The following AFG3L2 variants were observed in gnomAD, a reference collection of about 807,000 sequenced individuals.
The protein encoded by AFG3L2 is mitochondrial inner membrane m-AAA protease component AFG3L2.
A neutral mutation model predicts 94.5 loss-of-function variants in AFG3L2; 54 were observed. The ratio of observed to expected loss-of-function variants is 0.57; its 90% CI spans 0.46 to 0.72. AFG3L2 has a LOEUF of 0.72. AFG3L2 is among the 30% of genes least tolerant of loss of function. The pLI is 0.00. For missense variants in AFG3L2, 754 were observed against 994.9 expected, an observed-to-expected ratio of 0.76 and a Z score of 3.26; for synonymous variants, 377 against 365.5, an observed-to-expected ratio of 1.03 and a Z score of -0.36.
intron 16 of AFG3L2, among the ~76,000 whole-genome samples, chr18:12,332,691 G>A (rs1415329432): frequency 6.8e-6 from 1 of 146,940 alleles, no homozygotes; most frequent in Non-Finnish European, 1.5e-5. Context: ...TATATTTTTT[G>A]TCTATATCTC....
At chr18:12,364,762 G>T (rs1908758055) in intron 5 of AFG3L2, among the ~76,000 whole-genome samples, 1 of 152,034 alleles carries the variant, frequency 6.6e-6, no homozygotes. Flanking sequence ...ACTTCTCTGG[G>T]CACAAGAGAT....
chr18:12,363,884 T>G, intron 5 of AFG3L2, 28 bp from the exon 6 acceptor site: 1 of 1,516,836 alleles, frequency 6.6e-7, no homozygotes, highest in Non-Finnish European at 9.2e-7. Context: ...AATTCACACA[T>G]AAATTCACAG....
At chr18:12,364,253 C>T (rs899829763) in intron 5 of AFG3L2, among the ~76,000 whole-genome samples, 2 of 152,228 alleles carry the variant, frequency 1.3e-5, no homozygotes, top group Non-Finnish European at 2.9e-5. Flanking sequence ...CACTTCCGTG[C>T]TGCAGGGTAC....
chr18:12,364,390 A>C (rs1170844042), intron 5 of AFG3L2, among the ~76,000 whole-genome samples: 2 of 152,154 alleles, frequency 1.3e-5, no homozygotes, highest in Admixed American at 6.6e-5. Flanking sequence ...GGCACATCTT[A>C]AAAAACTTCT....
chr18:12,376,911 G>A, intron 1 of AFG3L2, 58 bp downstream of exon 1: 4 of 1,291,220 alleles, frequency 3.1e-6, no homozygotes, highest in Non-Finnish European at 3.0e-6. Context: ...CCGCTCTCCC[G>A]AGCCGGAAGT....
intron 7 of AFG3L2, among the ~76,000 whole-genome samples, chr18:12,359,655 C>T (rs1216759903): frequency 2.0e-5 from 3 of 151,842 alleles, no homozygotes; most frequent in African/African-American, 4.8e-5. Context: ...AGGAGAATCG[C>T]GTGAACTGGG....
At position 12,358,998 on chromosome 18, in the gene AFG3L2, A is replaced by G. The variant is rs7407640; in HGVS notation, c.753-55T>C. ...GACTGGCTGCTCACCTCCAGCTTTC[A>G]CATGTGGTGCAAGATATCAATATAA... On this transcript the variant is annotated intron_variant, in intron 7 of 16. Coordinates refer to ENST00000269143, the MANE Select transcript of AFG3L2 (RefSeq NM_006796.3). 1,196,004 of 1,567,656 alleles carry G rather than the reference A, an allele frequency of 0.76. 461,172 individuals are homozygous for G. Among genetic ancestry groups the G allele is most frequent in the Non-Finnish European group, 0.79 (910,565 of 1,155,564 alleles).
rs746562101 is a variant in AFG3L2, at chr18:12,340,317, A to T, written c.1864T>A (p.Leu622Met). ...EQYLYTKEQL[L>M]DRMCMTLGGR... Reference sequence around the variant, plus strand: ...CCTAAAGTCATACACATCCTATCCAAGAGCTGCTCTTTGGTATAGAGGTAT... The same window carrying T: ...CCTAAAGTCATACACATCCTATCCATGAGCTGCTCTTTGGTATAGAGGTAT... The change falls in exon 15 of 17, where the codon TTG becomes ATG. Residue 622 changes from leucine (L) to methionine (M), a missense_variant. Physicochemically the swap from Leu to Met is conservative, Grantham distance 15. Around this residue, in one of 4 missense-constraint regions of AFG3L2, gnomAD observed 279 missense variants for 378.6 expected, o/e 0.74. Coordinates refer to ENST00000269143, the MANE Select transcript of AFG3L2 (RefSeq NM_006796.3). 6.2e-7 allele frequency: 1 copy of T among 1,614,104 alleles called. No individual in the cohort carries two copies. Among genetic ancestry groups the T allele is most frequent in the South Asian group, 1.1e-5 (1 of 91,080 alleles).
At position 12,329,122 on chromosome 18, in the gene AFG3L2, C is replaced by G; in HGVS notation, c.*443G>C. On this transcript the variant is annotated 3_prime_UTR_variant, in exon 17 of 17. Coordinates refer to ENST00000269143, the MANE Select transcript of AFG3L2 (RefSeq NM_006796.3). The stretch of plus-strand genomic sequence containing the variant: ...TTAAGTCAAATTAAAATGTTCTTAT[C>G]AAGACTCCAATTTAATTTCACAGCC... The G allele has an allele frequency of 1.4e-6, 1 of 702,880 alleles. No homozygotes were observed. The highest frequency in any genetic ancestry group is 2.6e-6 in the Non-Finnish European group (1 of 384,960). 43.5% of individuals were successfully genotyped at this position (702,880 alleles called of 1,614,324 possible).
chr18:12,337,049 C>T, intron 16 of AFG3L2: 1 of 590,558 alleles, frequency 1.7e-6, no homozygotes, highest in Non-Finnish European at 3.0e-6. Flanking sequence ...TGTGAACTAT[C>T]TGGTGAGGGA....
At chr18:12,372,479 C>T (rs1366711644) in intron 1 of AFG3L2, among the ~76,000 whole-genome samples, 3 of 152,152 alleles carry the variant, frequency 2.0e-5, no homozygotes, top group Non-Finnish European at 4.4e-5. Flanking sequence ...AACAGTTTGA[C>T]AGAGCTCCAA....
intron 1 of AFG3L2, 106 bp downstream of exon 1, chr18:12,376,863 G>T: frequency 2.3e-6 from 2 of 880,542 alleles, no homozygotes; most frequent in Non-Finnish European, 3.1e-6. Flanking sequence ...GGGACGGCCC[G>T]CGTGCGGCCG....
chr18:12,338,142 G>A (rs567761436), intron 15 of AFG3L2, among the ~76,000 whole-genome samples: 2 of 152,270 alleles, frequency 1.3e-5, no homozygotes, highest in African/African-American at 2.4e-5. Context: ...CATGATCATA[G>A]CTCACTGCAG....
At chr18:12,337,027 C>A in intron 16 of AFG3L2, 1 of 551,110 alleles carries the variant, frequency 1.8e-6, no homozygotes, top group South Asian at 2.9e-5. Flanking sequence ...TCATGCTTCT[C>A]ATTAGGAGTA....
intron 16 of AFG3L2, among the ~76,000 whole-genome samples, chr18:12,336,047 C>T (rs1483891978): frequency 1.3e-5 from 2 of 152,182 alleles, no homozygotes; most frequent in Non-Finnish European, 2.9e-5. Flanking sequence ...ACACTGTCCT[C>T]ACTTGTTCCC....
chr18:12,367,191 T>C (rs1363947603), intron 4 of AFG3L2, 74 bp from the exon 5 acceptor site: 1 of 1,612,454 alleles, frequency 6.2e-7, no homozygotes. Context: ...GAGACACAAA[T>C]CCCTCCAACA....
chr18:12,354,662 C>T (rs1908433583), intron 9 of AFG3L2, among the ~76,000 whole-genome samples: 1 of 152,184 alleles, frequency 6.6e-6, no homozygotes. Context: ...ATCTTCAAGT[C>T]ATCTACTCTC....
chr18:12,351,527 TATTC>T, intron 10 of AFG3L2, 114 bp from the exon 11 acceptor site: 1 of 919,642 alleles, frequency 1.1e-6, no homozygotes, highest in Non-Finnish European at 1.7e-6. Flanking sequence ...ACACATTTTC[TATTC>T]ATTATCTAGT....
chr18:12,363,751 C>T (rs766364127), intron 6 of AFG3L2, 31 bp downstream of exon 6: 21 of 1,556,690 alleles, frequency 1.3e-5, no homozygotes, highest in Non-Finnish European at 8.9e-7. Context: ...TAATTTACAA[C>T]TAATTCACAT....
Sources: gnomAD v4.1 joint callset for allele counts (sites outside exome capture counted in the v4.1 genomes callset) on GRCh38, gnomAD v4.1.1 for gene constraint, gnomAD v4.1.1 regional missense constraint, MANE v1.5 for transcripts, NCBI Gene and HGNC (gene_info 2026-07-23, HGNC 2026-07-21) for gene names.